YIPF7: variants seen among roughly 807,000 people sequenced by gnomAD.
YIPF7 encodes Yip1 domain family member 7.
A neutral mutation model predicts 27.2 loss-of-function variants in YIPF7; 35 were observed. That is an observed-to-expected ratio of 1.29 (90% CI 0.98 to 1.70). The LOEUF (loss-of-function observed/expected upper bound fraction) is 1.70, where lower values mean the gene tolerates loss of function less well. Among genes scored for constraint, YIPF7 ranks in the 40% most tolerant of loss-of-function variants. The pLI is 0.00. For synonymous variants in YIPF7, 137 were observed against 110.4 expected (o/e 1.24, Z -1.51); for missense variants, 358 against 303.7 (o/e 1.18, Z -1.33).
chr4:44,659,902 A>T (rs974487641), intron 2 of YIPF7, among the ~76,000 whole-genome samples: 2 of 151,874 alleles, frequency 1.3e-5, no homozygotes, highest in South Asian at 4.2e-4. Flanking sequence ...TCACAAGGTC[A>T]GGAGATCGAG....
chr4:44,628,384 TA>T (rs5857969), intron 4 of YIPF7, among the ~76,000 whole-genome samples: 24,642 of 152,162 alleles, frequency 0.16, 2,236 homozygotes, highest in East Asian at 0.32. Context: ...AAATGCATTT[TA>T]CAACTACTTT....
chr4:44,631,424 TG>T (rs1056495335), intron 3 of YIPF7, among the ~76,000 whole-genome samples: 1 of 152,152 alleles, frequency 6.6e-6, no homozygotes, highest in Non-Finnish European at 1.5e-5. Context: ...CTTGAAAAGT[TG>T]ACTTTTCTGT....
chr4:44,639,867 T>G (rs1314401098), intron 2 of YIPF7, among the ~76,000 whole-genome samples: 2 of 152,200 alleles, frequency 1.3e-5, no homozygotes, highest in African/African-American at 4.8e-5. Flanking sequence ...GTACATTTCT[T>G]ATATTCCTAG....
At chr4:44,649,951 C>CAAA (rs35447406) in intron 2 of YIPF7, 34 bp downstream of exon 2, 37 of 931,104 alleles carry the variant, frequency 4.0e-5, no homozygotes, top group East Asian at 9.2e-5. Flanking sequence ...GAGACTCTGT[C>CAAA]AAAAAAAAAA....
In YIPF7 at chr4:44,630,853, C is replaced by T. The variant is rs974856946; in HGVS notation, c.281-1305G>A. Among the ~76,000 whole-genome samples the T allele has an allele frequency of 3.9e-5, 6 of 152,126 alleles. No individual in the cohort carries two copies. The East Asian group carries it at 1.2e-3, about 29-fold the overall frequency. The stretch of plus-strand genomic sequence containing the variant: ...TCTGTAGAGATGAACTAAGATGTAT[C>T]TAGGGTAGAGAAAGCGAATATTCAA... On this transcript the variant is annotated intron_variant, in intron 3 of 5. Coordinates refer to ENST00000415895, the MANE Select transcript of YIPF7 (RefSeq NM_182592.3).
intron 2 of YIPF7, among the ~76,000 whole-genome samples, chr4:44,636,956 C>A (rs896218328): frequency 1.3e-5 from 2 of 152,118 alleles, no homozygotes; most frequent in Admixed American, 6.6e-5. Context: ...TCTCTACTTC[C>A]ATGTGTACGT....
chr4:44,623,588 A>G (rs547740351), intron 5 of YIPF7, among the ~76,000 whole-genome samples: 1 of 152,362 alleles, frequency 6.6e-6, no homozygotes, highest in Admixed American at 6.5e-5. Flanking sequence ...TCCACAGTAT[A>G]GCTTCTAATG....
chr4:44,636,957 A>G (rs1713146861), intron 2 of YIPF7, among the ~76,000 whole-genome samples: 1 of 152,016 alleles, frequency 6.6e-6, no homozygotes, highest in Non-Finnish European at 1.5e-5. Flanking sequence ...CTCTACTTCC[A>G]TGTGTACGTA....
chr4:44,628,877 T>C (rs1712767522), intron 4 of YIPF7, among the ~76,000 whole-genome samples: 1 of 152,166 alleles, frequency 6.6e-6, no homozygotes, highest in Non-Finnish European at 1.5e-5. Flanking sequence ...AGAGGAAATA[T>C]GTAGGTTGAG....
intron 3 of YIPF7, among the ~76,000 whole-genome samples, chr4:44,630,919 A>G (rs927205521): frequency 5.3e-5 from 8 of 152,184 alleles, no homozygotes; most frequent in Non-Finnish European, 1.2e-4. Flanking sequence ...CCAGCAATCA[A>G]ATTGGTTATC....
chr4:44,657,828 G>A (rs1713942464), intron 2 of YIPF7, among the ~76,000 whole-genome samples: 1 of 152,006 alleles, frequency 6.6e-6, no homozygotes, highest in Admixed American at 6.6e-5. Flanking sequence ...ATATATATTT[G>A]GGGAAAGTCA....
intron 5 of YIPF7, among the ~76,000 whole-genome samples, chr4:44,624,392 GATTA>G (rs1712549634): frequency 6.6e-6 from 1 of 152,124 alleles, no homozygotes; most frequent in African/African-American, 2.4e-5. Flanking sequence ...AGATAACTTG[GATTA>G]ATTTATTTTT....
chr4:44,649,892 CATA>C lies in YIPF7; in HGVS notation c.116+90_116+92del, dbSNP rs951117471. 1.4e-5 allele frequency: 10 copies of C among 725,088 alleles called. No individual in the cohort carries two copies. The African/African-American group carries it at 1.5e-4, about 11-fold the overall frequency. 44.9% of individuals were successfully genotyped at this position (725,088 alleles called of 1,614,324 possible). A position where few individuals can be genotyped will look rare whatever the true frequency, so the allele number is the denominator to read the frequency against. On this transcript the variant is annotated intron_variant, in intron 2 of 5. Coordinates refer to ENST00000415895, the MANE Select transcript of YIPF7 (RefSeq NM_182592.3). ...AAGAAAGATCAGACCCTTCAACTTT[CATA>C]ATAACTACAATATATTGAATTTTTA...
chr4:44,645,103 C>T (rs941549238), intron 2 of YIPF7, among the ~76,000 whole-genome samples: 3 of 152,148 alleles, frequency 2.0e-5, no homozygotes, highest in African/African-American at 4.8e-5. Flanking sequence ...AACCTCTTTG[C>T]TTTATAAATT....
chr4:44,651,426 G>A, intron 1 of YIPF7, 128 bp downstream of exon 1: 2 of 486,932 alleles, frequency 4.1e-6, no homozygotes, highest in East Asian at 3.4e-5. Flanking sequence ...GTAATTTATT[G>A]AGAATACACT....
intron 2 of YIPF7, among the ~76,000 whole-genome samples, chr4:44,658,303 C>G (rs902715380): frequency 6.6e-6 from 1 of 152,112 alleles, no homozygotes; most frequent in Non-Finnish European, 1.5e-5. Flanking sequence ...AAGAACTCAG[C>G]AGTCTGCAAC....
At chr4:44,632,591 C>G (rs1303325261) in intron 3 of YIPF7, among the ~76,000 whole-genome samples, 3 of 152,084 alleles carry the variant, frequency 2.0e-5, no homozygotes, top group Non-Finnish European at 4.4e-5. Flanking sequence ...AAGTAGGACA[C>G]TTTTGAAACA....
At chr4:44,643,090 T>C (rs1158938180) in intron 2 of YIPF7, among the ~76,000 whole-genome samples, 11 of 151,954 alleles carry the variant, frequency 7.2e-5, no homozygotes, top group Non-Finnish European at 2.9e-5. Context: ...GAGGAAAAAT[T>C]TGGAACTTCC....
intron 1 of YIPF7, 46 bp downstream of exon 1, chr4:44,651,508 G>T: frequency 7.3e-7 from 1 of 1,375,818 alleles, no homozygotes; most frequent in East Asian, 2.5e-5. Context: ...ACCGAGCTTT[G>T]TATTTTGTTT....
Sources: allele counts gnomAD v4.1 joint callset (sites outside exome capture counted in the v4.1 genomes callset), GRCh38; gene constraint gnomAD v4.1.1; transcripts MANE v1.5; gene names NCBI Gene and HGNC (gene_info 2026-07-23, HGNC 2026-07-21).